The following ASIP variants were observed in gnomAD, a reference collection of about 807,000 sequenced individuals.
ASIP encodes agouti signaling protein, also known as agouti-signaling protein.
ASIP carries 11 observed loss-of-function variants against 10.3 expected under a neutral mutation model. The ratio of observed to expected loss-of-function variants is 1.07; its 90% CI spans 0.68 to 1.78. ASIP has a LOEUF of 1.78. Ranked by LOEUF, ASIP falls within the 40% of genes most tolerant of loss-of-function variation. The pLI is 0.00. For synonymous variants in ASIP, 70 were observed against 70.8 expected (o/e 0.99, Z 0.06); for missense variants, 180 against 169.2 (o/e 1.06, Z -0.35).
At chr20:34,217,225 C>T (rs890570567) in intron 1 of ASIP, among the ~76,000 whole-genome samples, 2 of 151,864 alleles carry the variant, frequency 1.3e-5, no homozygotes, top group Admixed American at 6.6e-5. Flanking sequence ...ATCACTTGAG[C>T]GCAGGAATTC....
chr20:34,206,731 A>G (rs946905401), intron 1 of ASIP, among the ~76,000 whole-genome samples: 5 of 152,216 alleles, frequency 3.3e-5, no homozygotes, highest in African/African-American at 1.2e-4. Context: ...GGTGCAAGCC[A>G]CCACGCCTGG....
intron 1 of ASIP, among the ~76,000 whole-genome samples, chr20:34,258,820 C>CTA (rs1407580567): frequency 2.9e-5 from 3 of 105,210 alleles, no homozygotes; most frequent in Non-Finnish European, 5.6e-5. Context: ...ATATATAATA[C>CTA]TATATATAGT....
intron 1 of ASIP, chr20:34,215,566 G>A (rs1481364737): frequency 9.3e-6 from 14 of 1,506,440 alleles, no homozygotes; most frequent in South Asian, 1.1e-5. Context: ...AAAGCAAGGC[G>A]AGGACTTGGG....
At chr20:34,188,110 AC>A in the ASIP span, among the ~76,000 whole-genome samples, 1 of 152,140 alleles carries the variant, frequency 6.6e-6, no homozygotes, top group African/African-American at 2.4e-5. Flanking sequence ...TTTTACCCAT[AC>A]CCAGCATCCC....
At chr20:34,198,056 A>ATTTT (rs35269112) in intron 1 of ASIP, among the ~76,000 whole-genome samples, 3 of 132,366 alleles carry the variant, frequency 2.3e-5, no homozygotes, top group African/African-American at 9.1e-5. Context: ...TGATTGCTTA[A>ATTTT]TTTTTTTTTT....
At chr20:34,195,215 C>T (rs1231215426) in intron 1 of ASIP, among the ~76,000 whole-genome samples, 3 of 151,878 alleles carry the variant, frequency 2.0e-5, no homozygotes, top group African/African-American at 7.3e-5. Flanking sequence ...CAGAACCCTA[C>T]TGAGCTGCTC....
upstream of ASIP, among the ~76,000 whole-genome samples, chr20:34,190,233 G>A (rs1185938542): frequency 6.6e-6 from 1 of 152,080 alleles, no homozygotes; most frequent in East Asian, 1.9e-4. Context: ...TTGCAGTGTT[G>A]GCATCATCCC....
chr20:34,215,780 C>G lies in ASIP; in HGVS notation c.-11+21020C>G, dbSNP rs1568748854. 3.9e-6 allele frequency: 6 copies of G among 1,545,790 alleles called. No homozygotes were observed. In the South Asian group the frequency reaches 5.6e-5, roughly 14 times the overall value. On this transcript the variant is annotated intron_variant, in intron 1 of 3. Transcript: ENST00000568305. ...TGTCCTCTGGGCTAGAGCTTCTGCA[C>G]ACACCTGCCAGGCATCTGGGGAAAT...
chr20:34,193,000 G>A (rs1317401254), upstream of ASIP, among the ~76,000 whole-genome samples: 1 of 152,056 alleles, frequency 6.6e-6, no homozygotes, highest in Non-Finnish European at 1.5e-5. Context: ...ATAAATTATT[G>A]TTAACTATAG....
chr20:34,234,525 C>T (rs1454538047), intron 1 of ASIP, among the ~76,000 whole-genome samples: 1 of 151,478 alleles, frequency 6.6e-6, no homozygotes, highest in African/African-American at 2.4e-5. Flanking sequence ...TCCTTCCTTC[C>T]TTTCTTTCCT....
chr20:34,263,576 A>C (rs1252821240), intron 3 of ASIP, among the ~76,000 whole-genome samples: 3 of 151,974 alleles, frequency 2.0e-5, no homozygotes, highest in African/African-American at 7.3e-5. Context: ...ACAACAACAA[A>C]AAATTAAAAC....
At chr20:34,235,837 GAAAGAAGGAAGGAAGGAAGGAAGGAAGGA>G (rs2035181418) in intron 1 of ASIP, among the ~76,000 whole-genome samples, 2 of 59,744 alleles carry the variant, frequency 3.3e-5, no homozygotes, top group African/African-American at 2.0e-4. Flanking sequence ...AAGAAAGAAA[GAAAGAAGGAAGGAAGGAAGGAAGGAAGGA>G]AAGGAAGGAA....
intron 2 of ASIP, among the ~76,000 whole-genome samples, chr20:34,261,840 C>T (rs543423489): frequency 3.9e-5 from 6 of 151,910 alleles, no homozygotes; most frequent in Admixed American, 6.6e-5. Context: ...CGGCCAGGCG[C>T]GGTGGCTCAC....
rs965482419 is a variant in ASIP at position 34,269,122 on chromosome 20, C to A, written c.354C>A (p.Phe118Leu). Residue 118 changes from phenylalanine (F) to leucine (L), a missense_variant, in exon 4 of 4, where the codon TTC (phenylalanine) becomes TTA (leucine). Phe to Leu is a conservative substitution (Grantham distance 22). Transcript: ENST00000374954. ...CGTGCGCCTCCTGCCAGTGCCGCTT[C>A]TTCCGCAGCGCCTGCTCCTGCCGCG... ...CDPCASCQCR[F>L]FRSACSCRVL... 1.3e-6 allele frequency: 2 copies of A among 1,558,318 alleles called. No individual in the cohort carries two copies. The highest frequency in any genetic ancestry group is 8.7e-7 in the Non-Finnish European group (1 of 1,151,658).
At chr20:34,253,139 G>A (rs1433307510) in intron 1 of ASIP, among the ~76,000 whole-genome samples, 1 of 148,766 alleles carries the variant, frequency 6.7e-6, no homozygotes, top group South Asian at 2.1e-4. Flanking sequence ...ACGAAGTCTC[G>A]CTCTGTTGCC....
chr20:34,199,799 C>T (rs1436693301), intron 1 of ASIP, among the ~76,000 whole-genome samples: 1 of 152,130 alleles, frequency 6.6e-6, no homozygotes, highest in Non-Finnish European at 1.5e-5. Flanking sequence ...AAATAAAAAT[C>T]CTGATTCCTG....
upstream of ASIP, among the ~76,000 whole-genome samples, chr20:34,238,849 T>G (rs529985030): frequency 3.3e-5 from 5 of 152,352 alleles, no homozygotes; most frequent in East Asian, 9.6e-4. Context: ...TGTTTCTTTT[T>G]TATTGTTATA....
intron 1 of ASIP, among the ~76,000 whole-genome samples, chr20:34,243,881 G>A (rs1791010554): frequency 6.6e-6 from 1 of 151,884 alleles, no homozygotes; most frequent in African/African-American, 2.4e-5. Flanking sequence ...TGGCTAACAC[G>A]ATGAAACCCC....
At position 34,211,769 on chromosome 20, in the gene ASIP, T is replaced by G. The variant is rs566374329; in HGVS notation, c.-11+17009T>G. 2.0e-5 allele frequency among the ~76,000 whole-genome samples: 3 copies of G among 152,374 alleles called. No homozygotes were observed. The East Asian group carries it at 5.8e-4, about 29-fold the overall frequency. ...CCTTTGAGAAATTAGCAGTCAGTCT[T>G]ACTTTTTGATCTTTTGCAAGTAAAC... On this transcript the variant is annotated intron_variant, in intron 1 of 3. Coordinates refer to the ASIP transcript ENST00000568305.
Sources: gnomAD v4.1 joint callset for allele counts (sites outside exome capture counted in the v4.1 genomes callset) on GRCh38, gnomAD v4.1.1 for gene constraint, MANE v1.5 for transcripts, NCBI Gene and HGNC (gene_info 2026-07-23, HGNC 2026-07-21) for gene names.